SIX3: variants seen among roughly 807,000 people sequenced by gnomAD.
SIX3 encodes SIX homeobox 3, also known as homeobox protein SIX3.
SIX3 carries 2 observed loss-of-function variants against 21.7 expected under a neutral mutation model. The ratio of observed to expected loss-of-function variants is 0.09; its 90% confidence interval spans 0.04 to 0.29. The LOEUF (loss-of-function observed/expected upper bound fraction) is 0.29. Ranked by LOEUF, SIX3 falls within the 10% of genes least tolerant of loss-of-function variation. SIX3 has a pLI of 1.00. For missense variants in SIX3, 347 were observed against 480.7 expected, an observed-to-expected ratio of 0.72 and a Z score of 2.60; for synonymous variants, 243 against 220.6, an observed-to-expected ratio of 1.10 and a Z score of -0.90.
Position 44,945,767 on chromosome 2 carries a change from T to C in SIX3, c.*1007T>C, listed in dbSNP as rs1666682113. On this transcript the variant is annotated 3_prime_UTR_variant, in exon 2 of 2. Transcript: ENST00000260653. ...TCTTTCTCTCCTCTCCCTCTCTCTG[T>C]CTTTCTCCCCGCTCAACTGTCTCTT... The C allele has an allele frequency of 6.6e-6, 1 of 152,218 alleles. No homozygotes were observed. Among genetic ancestry groups the C allele is most frequent in the African/African-American group, 2.4e-5 (1 of 41,440 alleles). The allele number at this position is 152,218 out of a possible 1,614,324, so 9.4% of individuals were successfully genotyped here.
chr2:44,945,109 A>C lies in SIX3; in HGVS notation c.*349A>C. The C allele has an allele frequency of 3.0e-6, 1 of 328,062 alleles. No homozygotes were observed. The highest frequency in any genetic ancestry group is 5.7e-6 in the Non-Finnish European group (1 of 176,360). 20.3% of individuals were successfully genotyped at this position (328,062 alleles called of 1,614,324 possible). A position where few individuals can be genotyped will look rare whatever the true frequency, so the allele number is the denominator to read the frequency against. ...TGACAATTGTATACTTTCTAGGACA[A>C]GCACGGCTTCTCCTTTCGGTTCCCA... On this transcript the variant is annotated 3_prime_UTR_variant, in exon 2 of 2. Transcript: ENST00000260653.
Position 44,944,597 on chromosome 2 carries a change from G to C in SIX3, c.836G>C (p.Gly279Ala). 6.3e-7 allele frequency: 1 copy of C among 1,576,782 alleles called. No homozygotes were observed. ...CAGCACCAGGCCATTGGACCGAGCG[G>C]CATGCGCTCGCTGGCCGAGCCCGGC... Reference protein sequence around the residue: ...RLQHQAIGPSGMRSLAEPGCP... With the variant: ...RLQHQAIGPSAMRSLAEPGCP... The change falls in exon 2 of 2, where the codon GGC (glycine) becomes GCC (alanine). Residue 279 changes from glycine (G) to alanine (A), a missense_variant. Coordinates refer to ENST00000260653, the MANE Select transcript of SIX3 (RefSeq NM_005413.4).
chr2:44,944,174 C>G (rs1666641266), intron 1 of SIX3, among the ~76,000 whole-genome samples: 1 of 152,262 alleles, frequency 6.6e-6, no homozygotes, highest in South Asian at 2.1e-4. Flanking sequence ...GCGCTGGCAT[C>G]CAGAGAGCAA....
In SIX3 at chr2:44,942,593, C is replaced by T; in HGVS notation, c.489C>T (p.Gly163=). 2 of 1,598,314 alleles carry T rather than the reference C, an allele frequency of 1.3e-6. No homozygotes were observed. The highest frequency in any genetic ancestry group is 2.2e-5 in the South Asian group (2 of 90,856). ...ACAAGTTCACCAAGGAGTCTCACGG[C>T]AAGCTGCAGGCCATGTGGCTCGAGG... The part of the protein sequence containing the change: ...ENHKFTKESH[G]KLQAMWLEAH... Residue 163 remains glycine, a synonymous_variant, in exon 1 of 2, where the codon GGC becomes GGT. Transcript: ENST00000260653. This position sits in a 1 kb window ranked among gnomAD's most constrained non-coding sequence, Gnocchi z 8.4.
At chr2:44,944,021 G>T (rs1459966508) in intron 1 of SIX3, among the ~76,000 whole-genome samples, 1 of 152,248 alleles carries the variant, frequency 6.6e-6, no homozygotes, top group African/African-American at 2.4e-5. Flanking sequence ...CAGGCAGAAG[G>T]TTCCCGGTGG....
rs559350165 is a variant in SIX3 at position 44,942,530 on chromosome 2, G to T, written c.426G>T (p.Thr142=). The part of the protein sequence containing the change: ...LRARAVVAFH[T]GNFRDLYHIL... ...CGCGCGCCGTGGTCGCCTTCCACAC[G>T]GGCAACTTCCGCGACCTCTACCACA... The change falls in exon 1 of 2, where the codon ACG becomes ACT. Residue 142 remains threonine, a synonymous_variant. Coordinates refer to ENST00000260653, the MANE Select transcript of SIX3 (RefSeq NM_005413.4). This position sits in a 1 kb window ranked among gnomAD's most constrained non-coding sequence, Gnocchi z 8.4. The T allele has an allele frequency of 1.9e-6, 3 of 1,598,424 alleles. No individual in the cohort carries two copies. The East Asian group carries it at 6.7e-5, about 36-fold the overall frequency.
At position 44,942,207 on chromosome 2, in the gene SIX3, G is replaced by C. The variant is rs1018692851; in HGVS notation, c.103G>C (p.Gly35Arg). The C allele has an allele frequency of 4.4e-6, 7 of 1,595,144 alleles. No individual in the cohort carries two copies. The Admixed American group carries it at 5.0e-5, about 11-fold the overall frequency. The change falls in exon 1 of 2, where the codon GGG becomes CGG. Residue 35 changes from glycine to arginine, a missense_variant. By Grantham distance (125) the Gly-to-Arg change is moderately radical (BLOSUM62 -2). Coordinates refer to ENST00000260653, the MANE Select transcript of SIX3 (RefSeq NM_005413.4). This position sits in a 1 kb window ranked among gnomAD's most constrained non-coding sequence, Gnocchi z 8.4. ...RSILLASSGG[G>R]NGAGGGGGAG... ...CATACTTCTGGCGAGTAGCGGCGGC[G>C]GGAACGGTGCGGGAGGCGGCGGCGG...
chr2:44,944,279 C>G (rs1051269492), intron 1 of SIX3, among the ~76,000 whole-genome samples: 3 of 152,226 alleles, frequency 2.0e-5, no homozygotes, highest in Non-Finnish European at 4.4e-5. Flanking sequence ...ACTAGGGGAA[C>G]TCGACCGGTC....
intron 1 of SIX3, among the ~76,000 whole-genome samples, chr2:44,944,209 G>A (rs1265463204): frequency 6.6e-6 from 1 of 152,270 alleles, no homozygotes; most frequent in Non-Finnish European, 1.5e-5. Flanking sequence ...CCCGGAGACT[G>A]GCCGGGCGGT....
Position 44,942,265 on chromosome 2 carries a change from C to A in SIX3, c.161C>A (p.Ala54Glu), listed in dbSNP as rs1321033933. ...AGGGSGGGNG[A>E]GGGGAGGAGG... ...GGCGGCAGCGGCGGCGGGAACGGTGCGGGAGGCGGCGGTGCTGGCGGAGCA... is the reference window on the plus strand; with the variant it reads ...GGCGGCAGCGGCGGCGGGAACGGTGAGGGAGGCGGCGGTGCTGGCGGAGCA... Residue 54 changes from alanine to glutamate, a missense_variant, in exon 1 of 2, where the codon GCG becomes GAG. Coordinates refer to ENST00000260653, the MANE Select transcript of SIX3 (RefSeq NM_005413.4). The surrounding 1 kb of genome is among the most constrained non-coding windows in gnomAD (Gnocchi z 8.4). 2.6e-6 allele frequency: 4 copies of A among 1,535,624 alleles called. No individual in the cohort carries two copies. Among genetic ancestry groups the A allele is most frequent in the South Asian group, 1.2e-5 (1 of 83,640 alleles).
rs1666662458 is a variant in SIX3 at position 44,944,993 on chromosome 2, A to G, written c.*233A>G. Reference sequence around the variant, plus strand: ...TAACCGCAAACTATCAACAACCCCCAACCACCATCTACCACTACGGCCACC... The same window carrying G: ...TAACCGCAAACTATCAACAACCCCCGACCACCATCTACCACTACGGCCACC... On this transcript the variant is annotated 3_prime_UTR_variant, in exon 2 of 2. Coordinates refer to ENST00000260653, the MANE Select transcript of SIX3 (RefSeq NM_005413.4). The G allele has an allele frequency of 1.7e-6, 1 of 573,436 alleles. No individual in the cohort carries two copies. Among genetic ancestry groups the G allele is most frequent in the Non-Finnish European group, 3.1e-6 (1 of 319,236 alleles). The allele number at this position is 573,436 out of a possible 1,614,324, so 35.5% of individuals were successfully genotyped here.
chr2:44,942,698 G>T lies in SIX3; in HGVS notation c.594G>T (p.Pro198=), dbSNP rs1266681708. ...AGTACCGCGTGCGCAAGAAGTTCCC[G>T]CTGCCACGCACCATCTGGGACGGCG... ...VDKYRVRKKF[P]LPRTIWDGEQ... Residue 198 remains proline (P), a synonymous_variant, in exon 1 of 2, where the codon CCG becomes CCT. Transcript: ENST00000260653. This position sits in a 1 kb window ranked among gnomAD's most constrained non-coding sequence, Gnocchi z 8.4. 2 of 1,602,398 alleles carry T rather than the reference G, an allele frequency of 1.2e-6. No individual in the cohort carries two copies. Among genetic ancestry groups the T allele is most frequent in the Non-Finnish European group, 1.7e-6 (2 of 1,179,786 alleles).
Position 44,941,762 on chromosome 2 carries a change from G to T in SIX3, c.-343G>T. 3.2e-6 allele frequency: 1 copy of T among 315,258 alleles called. No homozygotes were observed. 19.5% of individuals were successfully genotyped at this position (315,258 alleles called of 1,614,324 possible). ...CTGTTGTCATTAGGGCGATTGCGGT[G>T]GAATCGCTGAATCTTGACTCGGCGG... On this transcript the variant is annotated 5_prime_UTR_variant, in exon 1 of 2. Coordinates refer to ENST00000260653, the MANE Select transcript of SIX3 (RefSeq NM_005413.4).
At chr2:44,943,697 A>G (rs566530328) in intron 1 of SIX3, among the ~76,000 whole-genome samples, 2 of 152,370 alleles carry the variant, frequency 1.3e-5, no homozygotes, top group South Asian at 4.1e-4. Context: ...GATAGGCGAA[A>G]GGAGTGGGGA....
rs1027329587 is a variant in SIX3, at chr2:44,941,713, G to A, written c.-392G>A. The A allele has an allele frequency of 3.9e-6, 1 of 257,642 alleles. No individual in the cohort carries two copies. Among genetic ancestry groups the A allele is most frequent in the South Asian group, 5.0e-5 (1 of 19,916 alleles). 16.0% of individuals were successfully genotyped at this position (257,642 alleles called of 1,614,324 possible). A position where few individuals can be genotyped will look rare whatever the true frequency, so the allele number is the denominator to read the frequency against. Reference sequence around the variant, plus strand: ...AATGTTTCAATGCTGCACTCACTGTGGATTTAGGGGAGATATTATGAGGCT... The same window carrying A: ...AATGTTTCAATGCTGCACTCACTGTAGATTTAGGGGAGATATTATGAGGCT... On this transcript the variant is annotated 5_prime_UTR_variant, in exon 1 of 2. Coordinates refer to ENST00000260653, the MANE Select transcript of SIX3 (RefSeq NM_005413.4).
rs1444651343 is a variant in SIX3 at position 44,946,028 on chromosome 2, A to G, written c.*1268A>G. ...TTAAACTGCGTGTTTATCTATATGT[A>G]AAAACTTTCTAAAGCAAATACAGTA... On this transcript the variant is annotated 3_prime_UTR_variant, in exon 2 of 2. Coordinates refer to ENST00000260653, the MANE Select transcript of SIX3 (RefSeq NM_005413.4). 1.3e-5 allele frequency: 2 copies of G among 152,384 alleles called. No individual in the cohort carries two copies. The highest frequency in any genetic ancestry group is 3.4e-3 in the Middle Eastern group (1 of 294). 9.4% of individuals were successfully genotyped at this position (152,384 alleles called of 1,614,324 possible).
chr2:44,943,655 G>T (rs546756258), intron 1 of SIX3, among the ~76,000 whole-genome samples: 25 of 152,368 alleles, frequency 1.6e-4, no homozygotes, highest in African/African-American at 5.8e-4. Context: ...GGGCCTGGGG[G>T]AAGGAGAAAA....
Position 44,945,341 on chromosome 2 carries a change from A to G in SIX3, c.*581A>G, listed in dbSNP as rs34030175. The stretch of plus-strand genomic sequence containing the variant: ...AAAAAAAAAAAAAAAAAAAAAGGAC[A>G]GGGGGAAAAAAAAAAAAAAAGAACT... On this transcript the variant is annotated 3_prime_UTR_variant, in exon 2 of 2. Coordinates refer to ENST00000260653, the MANE Select transcript of SIX3 (RefSeq NM_005413.4). 1.9e-4 allele frequency: 22 copies of G among 112,926 alleles called. No individual in the cohort carries two copies. Among genetic ancestry groups the G allele is most frequent in the African/African-American group, 4.3e-4 (12 of 27,792 alleles). 7.0% of individuals were successfully genotyped at this position (112,926 alleles called of 1,614,324 possible). A position where few individuals can be genotyped will look rare whatever the true frequency, so the allele number is the denominator to read the frequency against.
rs1464829133 is a variant in SIX3 at position 44,945,690 on chromosome 2, A to T, written c.*930A>T. On this transcript the variant is annotated 3_prime_UTR_variant, in exon 2 of 2. Transcript: ENST00000260653. ...ATCGGTCATTTTCCCAGTTTGTAAT[A>T]TATGTGTAGAAATTGCCTGTATATG... 1.3e-5 allele frequency: 2 copies of T among 152,188 alleles called. No homozygotes were observed. Among genetic ancestry groups the T allele is most frequent in the East Asian group, 3.8e-4 (2 of 5,206 alleles). 9.4% of individuals were successfully genotyped at this position (152,188 alleles called of 1,614,324 possible). A position where few individuals can be genotyped will look rare whatever the true frequency, so the allele number is the denominator to read the frequency against.
Sources: allele counts gnomAD v4.1 joint callset (sites outside exome capture counted in the v4.1 genomes callset), GRCh38; gene constraint gnomAD v4.1.1; non-coding constraint Gnocchi (gnomAD v3.1); transcripts MANE v1.5; gene names NCBI Gene and HGNC (gene_info 2026-07-23, HGNC 2026-07-21).